The following TRRAP variants were observed in gnomAD, a reference collection of about 807,000 sequenced individuals.
TRRAP encodes the protein transformation/transcription domain-associated protein.
Under a neutral mutation model 438.8 loss-of-function variants are expected in TRRAP, and 41 were observed. That is an observed-to-expected ratio of 0.09 (90% CI 0.07 to 0.12). The LOEUF (loss-of-function observed/expected upper bound fraction) is 0.12, where lower values mean the gene tolerates loss of function less well. Ranked by LOEUF, TRRAP falls within the 10% of genes least tolerant of loss-of-function variation. The pLI is 1.00. For missense variants in TRRAP, 3,122 were observed against 5,055.1 expected (o/e 0.62, Z 11.60); for synonymous variants, 1,994 against 1,962.9 (o/e 1.02, Z -0.42).
chr7:98,993,405 G>T, intron 65 of TRRAP, 133 bp from the exon 66 acceptor site: 1 of 956,244 alleles, frequency 1.0e-6, no homozygotes, highest in Non-Finnish European at 1.5e-6. Context: ...CGCAGTCCTT[G>T]GGGAAGCGGT....
Position 99,000,797 on chromosome 7 carries a change from C to G in TRRAP, c.10310-3393C>G, listed in dbSNP as rs1000356692. On this transcript the variant is annotated intron_variant, in intron 67 of 72. Coordinates refer to ENST00000456197, the MANE Select transcript of TRRAP (RefSeq NM_001375524.1). ...AGCACCCTGAAGGGTCGTGGCCAGG[C>G]TGGGCTGGGGGCACCCTGTCTCGAG... is the stretch of plus-strand genomic sequence containing the variant. Among the ~76,000 whole-genome samples, 91 of 152,364 alleles carry G rather than the reference C, an allele frequency of 6.0e-4. 1 individual carries two copies. Among genetic ancestry groups the G allele is most frequent in the Non-Finnish European group, 1.5e-4 (10 of 68,030 alleles).
At chr7:98,989,531 C>A (rs1328686485) in intron 63 of TRRAP, among the ~76,000 whole-genome samples, 1 of 152,210 alleles carries the variant, frequency 6.6e-6, no homozygotes, top group African/African-American at 2.4e-5. Context: ...AGCAGGAAAC[C>A]CAAGAATAAA....
At position 98,976,490 on chromosome 7, in the gene TRRAP, C is replaced by T. The variant is rs763483913; in HGVS notation, c.7967C>T (p.Ala2656Val). 8.7e-6 allele frequency: 14 copies of T among 1,607,736 alleles called. No individual in the cohort carries two copies. In the Admixed American group the frequency reaches 1.0e-4, roughly 11 times the overall value. ...CATGTGCTTTGGTTTCAGGCACTCGCGGGTGAGATAAGTCCATTTCTGTGC... is the reference window on the plus strand; with the variant it reads ...CATGTGCTTTGGTTTCAGGCACTCGTGGGTGAGATAAGTCCATTTCTGTGC... ...ILSDRQQHALAGEISPFLCSG... is the reference protein window; with the variant it reads ...ILSDRQQHALVGEISPFLCSG... The change falls in exon 55 of 73, where the codon GCG (alanine) becomes GTG (valine). Residue 2656 changes from alanine to valine, a missense_variant. Physicochemically the swap from Ala to Val is moderately conservative, Grantham distance 64 (BLOSUM62 0). Coordinates refer to ENST00000456197, the MANE Select transcript of TRRAP (RefSeq NM_001375524.1). The surrounding 1 kb of genome is among the most constrained non-coding windows in gnomAD (Gnocchi z 4.6).
chr7:98,892,801 G>C (rs528104270), intron 5 of TRRAP, among the ~76,000 whole-genome samples: 1 of 152,210 alleles, frequency 6.6e-6, no homozygotes, highest in Non-Finnish European at 1.5e-5. Context: ...GTGCGGGCCC[G>C]CAGACGCCCA....
At chr7:98,917,782 C>A in intron 20 of TRRAP, 103 bp downstream of exon 20, 1 of 1,420,760 alleles carries the variant, frequency 7.0e-7, no homozygotes, top group Non-Finnish European at 9.4e-7. Context: ...TGGACCAGTG[C>A]AGCTCTCTGT....
In TRRAP at chr7:98,948,605, A is replaced by G; in HGVS notation, c.4708A>G (p.Thr1570Ala). ...CCGAGAGCCCCTGATCAAGTTCCTG[A>G]CTCGACATCCCTCGCAGACAGTGGA... ...PFREPLIKFL[T>A]RHPSQTVELF... Residue 1570 changes from threonine to alanine, a missense_variant, in exon 35 of 73, where the codon ACT (threonine) becomes GCT (alanine). Coordinates refer to ENST00000456197, the MANE Select transcript of TRRAP (RefSeq NM_001375524.1). The surrounding 1 kb of genome is among the most constrained non-coding windows in gnomAD (Gnocchi z 4.9). 1.2e-6 allele frequency: 2 copies of G among 1,614,070 alleles called. No homozygotes were observed. The highest frequency in any genetic ancestry group is 1.7e-6 in the Non-Finnish European group (2 of 1,180,024).
chr7:98,922,911 C>T (rs563805605), intron 21 of TRRAP, among the ~76,000 whole-genome samples: 1 of 152,270 alleles, frequency 6.6e-6, no homozygotes, highest in East Asian at 1.9e-4. Context: ...GTAGTGGCTT[C>T]TGTGTCCATA....
In TRRAP at chr7:98,925,183, A is replaced by G. The variant is rs1554411341; in HGVS notation, c.2895A>G (p.Glu965=). The G allele has an allele frequency of 6.2e-7, 1 of 1,614,224 alleles. No individual in the cohort carries two copies. The highest frequency in any genetic ancestry group is 8.5e-7 in the Non-Finnish European group (1 of 1,180,034). ...CCTACTACCGGAGGCAGGCGTGGGAAGTGATCAAATGCTTCCTGGTGGCCA... is the reference window on the plus strand; with the variant it reads ...CCTACTACCGGAGGCAGGCGTGGGAGGTGATCAAATGCTTCCTGGTGGCCA... ...TEPYYRRQAW[E]VIKCFLVAMM... Residue 965 remains glutamate, a synonymous_variant, in exon 22 of 73, where the codon GAA becomes GAG. Transcript: ENST00000456197.
rs2116467325 is a variant in TRRAP at position 98,921,746 on chromosome 7, T to C, written c.2623-7T>C. ...GAGGACCTTAATGAAAGCACGCTGA[T>C]TTTCAGGCTCTGTGGCGCACCTTAC... On this transcript the variant is annotated splice_polypyrimidine_tract_variant and splice_region_variant and intron_variant, in intron 20 of 72. Coordinates refer to ENST00000456197, the MANE Select transcript of TRRAP (RefSeq NM_001375524.1). The C allele has an allele frequency of 6.2e-7, 1 of 1,613,966 alleles. No individual in the cohort carries two copies. Among genetic ancestry groups the C allele is most frequent in the African/African-American group, 1.3e-5 (1 of 75,068 alleles).
At position 98,916,419 on chromosome 7, in the gene TRRAP, T is replaced by C. The variant is rs73711452; in HGVS notation, c.2365+531T>C. On this transcript the variant is annotated intron_variant, in intron 19 of 72. Transcript: ENST00000456197. ...AGGGATCTGGGTTCATTGAATGCTT[T>C]TGGGGTGTGTGCTGATTGGAAACAC... Among the ~76,000 whole-genome samples the C allele has an allele frequency of 3.1e-3, 467 of 152,334 alleles. 2 individuals are homozygous for C. The highest frequency in any genetic ancestry group is 0.011 in the African/African-American group (457 of 41,568).
At chr7:98,879,512 G>C (rs1795323078) in intron 1 of TRRAP, among the ~76,000 whole-genome samples, 7 of 151,958 alleles carry the variant, frequency 4.6e-5, no homozygotes. Flanking sequence ...GGGTCCCCTC[G>C]GATGGGGATG....
intron 21 of TRRAP, among the ~76,000 whole-genome samples, chr7:98,923,868 G>A (rs904688241): frequency 1.3e-5 from 2 of 152,152 alleles, no homozygotes; most frequent in African/African-American, 4.8e-5. Flanking sequence ...GAATGTCTTG[G>A]CTGTTAAAGG....
At chr7:98,905,591 G>T (rs1482009476) in intron 12 of TRRAP, among the ~76,000 whole-genome samples, 2 of 152,166 alleles carry the variant, frequency 1.3e-5, no homozygotes, top group South Asian at 2.1e-4. Flanking sequence ...AGGACGCAGA[G>T]AGTAAGTTTA....
At chr7:98,960,651 GCA>G (rs1009625130) in intron 45 of TRRAP, among the ~76,000 whole-genome samples, 17 of 152,210 alleles carry the variant, frequency 1.1e-4, no homozygotes, top group African/African-American at 4.1e-4. Flanking sequence ...GATTGCAGTG[GCA>G]CAGTCTTGGC....
rs1792074058 is a variant in TRRAP, at chr7:98,964,743, A to G, written c.6944A>G (p.Gln2315Arg). 1 of 1,612,586 alleles carries G rather than the reference A, an allele frequency of 6.2e-7. No individual in the cohort carries two copies. The highest frequency in any genetic ancestry group is 8.5e-7 in the Non-Finnish European group (1 of 1,179,444). ...QKMVREHLNP[Q>R]AASGSTEATS... ...ATGGTCCGGGAGCATTTAAACCCTC[A>G]GGCAGCGTCAGGAAGCACCGAAGCC... The change falls in exon 48 of 73, where the codon CAG becomes CGG. Residue 2315 changes from glutamine (Q) to arginine (R), a missense_variant. By Grantham distance (43) the Gln-to-Arg change is conservative. Around this residue, in one of 24 missense-constraint regions of TRRAP, gnomAD observed 992 missense variants for 1,281.2 expected, o/e 0.77. Coordinates refer to ENST00000456197, the MANE Select transcript of TRRAP (RefSeq NM_001375524.1).
intron 53 of TRRAP, 150 bp downstream of exon 53, chr7:98,972,095 T>C: frequency 8.6e-7 from 1 of 1,167,248 alleles, no homozygotes. Flanking sequence ...CAGCCTGCAG[T>C]CTAGTGGCGC....
chr7:98,939,318 A>G (rs1448382442), intron 30 of TRRAP, among the ~76,000 whole-genome samples: 3 of 152,218 alleles, frequency 2.0e-5, no homozygotes, highest in Admixed American at 6.5e-5. Context: ...TATTGCAGGT[A>G]TGGATACATT....
intron 67 of TRRAP, among the ~76,000 whole-genome samples, chr7:98,996,241 C>T (rs1001303326): frequency 8.5e-5 from 13 of 152,090 alleles, no homozygotes; most frequent in Non-Finnish European, 8.8e-5. Flanking sequence ...TTGTGCACAC[C>T]CACATCCACC....
At chr7:98,941,198 CAG>C (rs1403678010) in intron 30 of TRRAP, among the ~76,000 whole-genome samples, 1 of 152,166 alleles carries the variant, frequency 6.6e-6, no homozygotes, top group African/African-American at 2.4e-5. Context: ...TTGTTTGAGA[CAG>C]GGCCTTGCTC....
Sources: gnomAD v4.1 joint callset for allele counts (sites outside exome capture counted in the v4.1 genomes callset) on GRCh38, gnomAD v4.1.1 for gene constraint, gnomAD v4.1.1 regional missense constraint, Gnocchi (gnomAD v3.1) non-coding constraint, MANE v1.5 for transcripts, NCBI Gene and HGNC (gene_info 2026-07-23, HGNC 2026-07-21) for gene names.